Variants in COL8A1 observed in about 807,000 individuals in gnomAD.
COL8A1 encodes collagen alpha-1(VIII) chain.
A neutral mutation model predicts 42.7 loss-of-function variants in COL8A1; 21 were observed. The observed-to-expected ratio is 0.49, with a 90% CI of 0.35 to 0.71. The LOEUF (loss-of-function observed/expected upper bound fraction) is 0.71. Ranked by LOEUF, COL8A1 falls within the 30% of genes least tolerant of loss-of-function variation. The pLI is 0.01. For missense variants in COL8A1, 788 were observed against 962.4 expected (o/e 0.82, Z 2.40); for synonymous variants, 367 against 369.1 (o/e 0.99, Z 0.06).
At chr3:99,670,731 G>A (rs1013971750) in intron 1 of COL8A1, among the ~76,000 whole-genome samples, 10 of 151,854 alleles carry the variant, frequency 6.6e-5, no homozygotes. Flanking sequence ...TCCTGTCTGT[G>A]CCCTTTTCAT....
At chr3:99,773,837 A>ATATTATATATATATATATATATATATAT (rs1200212756) in intron 2 of COL8A1, among the ~76,000 whole-genome samples, 2 of 45,402 alleles carry the variant, frequency 4.4e-5, no homozygotes, top group Non-Finnish European at 7.1e-5. Context: ...ATATATATAT[A>ATATTATATATATATATATATATATATAT]TTTTTTTTTT....
chr3:99,684,695 TATA>T (rs1938994811), intron 1 of COL8A1, among the ~76,000 whole-genome samples: 1 of 152,222 alleles, frequency 6.6e-6, no homozygotes, highest in Non-Finnish European at 1.5e-5. Flanking sequence ...ATGTTTACTT[TATA>T]ATGTCTGAAT....
chr3:99,773,487 C>T (rs1454941060), intron 2 of COL8A1, among the ~76,000 whole-genome samples: 2 of 151,996 alleles, frequency 1.3e-5, no homozygotes, highest in Non-Finnish European at 2.9e-5. Context: ...GCCTCAGCTG[C>T]TATTATTTCT....
Position 99,795,699 on chromosome 3 carries a change from G to A in COL8A1, c.1798G>A (p.Ala600Thr), listed in dbSNP as rs1942092690. Reference sequence around the variant, plus strand: ...AATTGATGGCGTGAAACCCCCCCATGCCTACGGGGCTAAGAAAGGCAAGAA... The same window carrying A: ...AATTGATGGCGTGAAACCCCCCCATACCTACGGGGCTAAGAAAGGCAAGAA... Reference protein sequence around the residue: ...LGIDGVKPPHAYGAKKGKNGG... With the variant: ...LGIDGVKPPHTYGAKKGKNGG... The change falls in exon 4 of 4, where the codon GCC becomes ACC. Residue 600 changes from alanine to threonine, a missense_variant. Physicochemically the swap from Ala to Thr is moderately conservative, Grantham distance 58. Around this residue, in one of 4 missense-constraint regions of COL8A1, gnomAD observed 212 missense variants for 210.9 expected, o/e 1.00. Coordinates refer to ENST00000652472, the MANE Select transcript of COL8A1 (RefSeq NM_020351.4). The A allele has an allele frequency of 6.2e-7, 1 of 1,613,958 alleles. No homozygotes were observed. The highest frequency in any genetic ancestry group is 1.3e-5 in the African/African-American group (1 of 74,888).
intron 1 of COL8A1, among the ~76,000 whole-genome samples, chr3:99,670,546 T>A (rs974817368): frequency 7.8e-4 from 118 of 152,220 alleles, no homozygotes; most frequent in African/African-American, 2.8e-3. Context: ...TTTTGATATA[T>A]GTATACAGTG....
At chr3:99,790,543 TTTTCA>T (rs1241142877) in intron 2 of COL8A1, 132 bp from the exon 3 acceptor site, 18 of 692,918 alleles carry the variant, frequency 2.6e-5, no homozygotes, top group Non-Finnish European at 4.4e-5. Flanking sequence ...AGCATTTTCC[TTTTCA>T]TTTGACTTCT....
intron 1 of COL8A1, among the ~76,000 whole-genome samples, chr3:99,656,436 C>T (rs922941022): frequency 1.3e-5 from 2 of 149,948 alleles, no homozygotes; most frequent in African/African-American, 4.9e-5. Flanking sequence ...TGAATGCAAC[C>T]AAGACCAGGG....
chr3:99,772,034 A>G (rs1356971276), intron 2 of COL8A1, among the ~76,000 whole-genome samples: 1 of 152,212 alleles, frequency 6.6e-6, no homozygotes, highest in Non-Finnish European at 1.5e-5. Context: ...TACCTAGCAA[A>G]GCCCACATGC....
chr3:99,771,737 G>A (rs1463030492), intron 2 of COL8A1, among the ~76,000 whole-genome samples: 1 of 152,138 alleles, frequency 6.6e-6, no homozygotes, highest in Admixed American at 6.5e-5. Context: ...GATGCTAATG[G>A]ACCAAAAGTG....
chr3:99,678,314 T>C (rs1938762183), intron 1 of COL8A1: 1 of 152,024 alleles, frequency 6.6e-6, no homozygotes, highest in African/African-American at 2.4e-5. Context: ...AACTGCTGGT[T>C]TGTTTCTCAA....
chr3:99,681,509 G>A (rs187750290), intron 1 of COL8A1, among the ~76,000 whole-genome samples: 1 of 152,324 alleles, frequency 6.6e-6, no homozygotes, highest in African/African-American at 2.4e-5. Flanking sequence ...AAAGGAGGTA[G>A]AAAGAGTTTG....
At chr3:99,735,101 G>T (rs1474351664) in intron 1 of COL8A1, among the ~76,000 whole-genome samples, 2 of 148,342 alleles carry the variant, frequency 1.3e-5, no homozygotes, top group Non-Finnish European at 3.0e-5. Context: ...TGCAAACAGG[G>T]ACAATTTGAC....
intron 2 of COL8A1, among the ~76,000 whole-genome samples, chr3:99,765,018 T>C (rs1941435895): frequency 6.6e-6 from 1 of 152,188 alleles, no homozygotes; most frequent in Admixed American, 6.5e-5. Flanking sequence ...TACTTTCTCT[T>C]TATGGTTATT....
chr3:99,701,625 T>G (rs1031228715), intron 1 of COL8A1, among the ~76,000 whole-genome samples: 1 of 152,218 alleles, frequency 6.6e-6, no homozygotes, highest in Non-Finnish European at 1.5e-5. Context: ...GAAAGTAGTT[T>G]AATTATTTTC....
At chr3:99,721,459 C>T (rs1411072978) in intron 1 of COL8A1, among the ~76,000 whole-genome samples, 2 of 139,134 alleles carry the variant, frequency 1.4e-5, no homozygotes, top group Non-Finnish European at 3.1e-5. Flanking sequence ...AAGGGAAGGA[C>T]AGGGAAGGGA....
intron 1 of COL8A1, among the ~76,000 whole-genome samples, chr3:99,694,711 G>A (rs543215370): frequency 6.6e-6 from 1 of 152,220 alleles, no homozygotes; most frequent in African/African-American, 2.4e-5. Flanking sequence ...GTACCTTTGA[G>A]GGATTCTTTG....
intron 1 of COL8A1, among the ~76,000 whole-genome samples, chr3:99,709,149 T>C (rs754037040): frequency 6.6e-6 from 1 of 151,708 alleles, no homozygotes. Flanking sequence ...CTACTTCTCA[T>C]CCTTTCGACC....
At chr3:99,748,538 C>T (rs1941077655) in intron 2 of COL8A1, among the ~76,000 whole-genome samples, 1 of 151,700 alleles carries the variant, frequency 6.6e-6, no homozygotes. Context: ...TTAATTTCAC[C>T]TGTTTCTTTT....
chr3:99,671,577 AC>A (rs1201894875), intron 1 of COL8A1, among the ~76,000 whole-genome samples: 1 of 151,996 alleles, frequency 6.6e-6, no homozygotes, highest in Non-Finnish European at 1.5e-5. Flanking sequence ...GTGTCTTTTC[AC>A]CAACATCTTC....
Sources: gnomAD v4.1 joint callset for allele counts (sites outside exome capture counted in the v4.1 genomes callset) on GRCh38, gnomAD v4.1.1 for gene constraint, gnomAD v4.1.1 regional missense constraint, MANE v1.5 for transcripts, NCBI Gene and HGNC (gene_info 2026-07-23, HGNC 2026-07-21) for gene names.